MGAT4C: variants seen among roughly 807,000 people sequenced by gnomAD.
The protein encoded by MGAT4C is alpha-1,3-mannosyl-glycoprotein 4-beta-N-acetylglucosaminyltransferase C.
Under a neutral mutation model 40.1 loss-of-function variants are expected in MGAT4C, and 19 were observed. The ratio of observed to expected loss-of-function variants is 0.47; its 90% CI spans 0.33 to 0.70. MGAT4C has a LOEUF of 0.70. Among genes scored for constraint, MGAT4C ranks in the 30% least tolerant of loss-of-function variants. MGAT4C has a pLI of 0.02. For missense variants in MGAT4C, 491 were observed against 563.2 expected (o/e 0.87, Z 1.30); for synonymous variants, 181 against 187.1 (o/e 0.97, Z 0.27).
intron 4 of MGAT4C, among the ~76,000 whole-genome samples, chr12:86,308,146 G>A (rs765219556): frequency 8.6e-5 from 13 of 150,624 alleles, no homozygotes; most frequent in Non-Finnish European, 1.8e-4. Flanking sequence ...CATCAATTAT[G>A]TTTATGTACA....
At chr12:86,348,690 T>C (rs1487577756) in intron 3 of MGAT4C, among the ~76,000 whole-genome samples, 8 of 152,156 alleles carry the variant, frequency 5.3e-5, no homozygotes, top group Admixed American at 4.6e-4. Context: ...TCTCATTCAA[T>C]AGTACGTGGT....
At chr12:86,143,552 G>T (rs941410586) in intron 1 of MGAT4C, among the ~76,000 whole-genome samples, 1 of 152,052 alleles carries the variant, frequency 6.6e-6, no homozygotes, top group African/African-American at 2.4e-5. Flanking sequence ...TACGCTTAGG[G>T]TATTTTTGGG....
chr12:86,832,955 C>T (rs1374087577), intron 1 of MGAT4C, among the ~76,000 whole-genome samples: 1 of 151,814 alleles, frequency 6.6e-6, no homozygotes, highest in South Asian at 2.1e-4. Context: ...ATCGTTTTAA[C>T]ACTGAAGCTT....
intron 1 of MGAT4C, among the ~76,000 whole-genome samples, chr12:86,174,441 C>T (rs1191748333): frequency 6.6e-6 from 1 of 151,894 alleles, no homozygotes; most frequent in Admixed American, 6.6e-5. Flanking sequence ...AAATATTGCC[C>T]CCTAATTAAT....
intron 1 of MGAT4C, among the ~76,000 whole-genome samples, chr12:86,792,698 G>A (rs906390073): frequency 2.0e-5 from 3 of 152,108 alleles, no homozygotes; most frequent in Non-Finnish European, 4.4e-5. Context: ...TTGGGAGGCC[G>A]AGGCGGGTGG....
chr12:86,627,466 T>A (rs1309909256), intron 2 of MGAT4C, among the ~76,000 whole-genome samples: 6 of 138,476 alleles, frequency 4.3e-5, no homozygotes, highest in African/African-American at 1.4e-4. Context: ...CACCTCCAAG[T>A]AAGGGCTGAC....
intron 4 of MGAT4C, among the ~76,000 whole-genome samples, chr12:86,285,654 T>C (rs1470244296): frequency 6.8e-6 from 1 of 147,112 alleles, no homozygotes; most frequent in Non-Finnish European, 1.5e-5. Context: ...AATTTTAGAC[T>C]ACTATATGTG....
At chr12:86,268,548 G>A (rs1952847489) in intron 4 of MGAT4C, among the ~76,000 whole-genome samples, 1 of 150,734 alleles carries the variant, frequency 6.6e-6, no homozygotes, top group African/African-American at 2.4e-5. Flanking sequence ...CGGACTCATA[G>A]ATTTTTGAAG....
rs1950925199 is a variant in MGAT4C at position 86,222,612 on chromosome 12, T to A, written c.-57+33627A>T. ...AATCTCAGCTAGCTCAAAGATGAAC[T>A]ATTCTTAATTTTAATCTCTTTAGAA... On this transcript the variant is annotated intron_variant, in intron 1 of 4. Coordinates refer to ENST00000611864, the MANE Select transcript of MGAT4C (RefSeq NM_001351288.2). Among the ~76,000 whole-genome samples, 3 of 152,234 alleles carry A rather than the reference T, an allele frequency of 2.0e-5. No individual in the cohort carries two copies. The South Asian group carries it at 6.2e-4, about 32-fold the overall frequency.
chr12:86,810,941 C>A (rs1333830260), intron 1 of MGAT4C, among the ~76,000 whole-genome samples: 1 of 150,830 alleles, frequency 6.6e-6, no homozygotes, highest in African/African-American at 2.4e-5. Flanking sequence ...TTCCTTCCTG[C>A]TTTTTGCTCT....
At chr12:86,093,243 TG>T (rs1432069373) in intron 1 of MGAT4C, among the ~76,000 whole-genome samples, 11 of 152,306 alleles carry the variant, frequency 7.2e-5, no homozygotes, top group African/African-American at 2.6e-4. Context: ...TTTATCACTA[TG>T]TTCCTTTCTA....
chr12:86,807,622 T>C (rs1439704484), intron 1 of MGAT4C, among the ~76,000 whole-genome samples: 1 of 152,102 alleles, frequency 6.6e-6, no homozygotes, highest in Non-Finnish European at 1.5e-5. Flanking sequence ...ATGATTTATA[T>C]TCCTTTGCAT....
intron 2 of MGAT4C, among the ~76,000 whole-genome samples, chr12:86,049,120 C>G (rs540122469): frequency 8.6e-5 from 13 of 151,916 alleles, no homozygotes; most frequent in Admixed American, 4.6e-4. Context: ...GTGAGTAAAT[C>G]TCATATAATT....
At chr12:86,043,563 T>C (rs891584910) in intron 2 of MGAT4C, among the ~76,000 whole-genome samples, 1 of 152,166 alleles carries the variant, frequency 6.6e-6, no homozygotes, top group Non-Finnish European at 1.5e-5. Context: ...CCCACCCAGA[T>C]TGAGAATGGG....
At chr12:86,662,504 T>G (rs989270677) in intron 2 of MGAT4C, among the ~76,000 whole-genome samples, 4 of 152,214 alleles carry the variant, frequency 2.6e-5, no homozygotes, top group Admixed American at 2.0e-4. Flanking sequence ...CTAGGAGCAT[T>G]TGTAATATAG....
chr12:86,695,023 C>T (rs1370103334), intron 2 of MGAT4C, among the ~76,000 whole-genome samples: 1 of 152,092 alleles, frequency 6.6e-6, no homozygotes, highest in Non-Finnish European at 1.5e-5. Flanking sequence ...ACCTATCTGA[C>T]AAAGGATTAA....
intron 2 of MGAT4C, among the ~76,000 whole-genome samples, chr12:86,518,252 C>A (rs535237177): frequency 6.6e-6 from 1 of 152,222 alleles, no homozygotes; most frequent in African/African-American, 2.4e-5. Context: ...CACTTTTGTT[C>A]TCCGAAAGAA....
At chr12:86,800,853 A>G (rs1012211807) in intron 1 of MGAT4C, among the ~76,000 whole-genome samples, 1 of 151,842 alleles carries the variant, frequency 6.6e-6, no homozygotes, top group African/African-American at 2.4e-5. Flanking sequence ...TTCTTTATCT[A>G]TATTTGCCTT....
chr12:86,601,441 C>G, intron 2 of MGAT4C: 1 of 152,374 alleles, frequency 6.6e-6, no homozygotes, highest in East Asian at 1.9e-4. Flanking sequence ...CCCATAAAAA[C>G]CTTGCACTCA....
Sources: allele counts gnomAD v4.1 joint callset (sites outside exome capture counted in the v4.1 genomes callset), GRCh38; gene constraint gnomAD v4.1.1; transcripts MANE v1.5; gene names NCBI Gene and HGNC (gene_info 2026-07-23, HGNC 2026-07-21).